TAPBP: variants seen among roughly 807,000 people sequenced by gnomAD.
TAPBP encodes the protein tapasin.
Under a neutral mutation model 45.7 loss-of-function variants are expected in TAPBP, and 38 were observed. The observed-to-expected ratio is 0.83, with a 90% CI of 0.64 to 1.09. The LOEUF is 1.09. Among genes scored for constraint, TAPBP ranks in the 50% least tolerant of loss-of-function variants. TAPBP has a pLI of 0.00. For missense variants in TAPBP, 513 were observed against 587.3 expected (o/e 0.87, Z 1.31); for synonymous variants, 226 against 254.8 (o/e 0.89, Z 1.08).
intron 3 of TAPBP, among the ~76,000 whole-genome samples, chr6:33,309,522 A>G (rs1416656813): frequency 6.6e-6 from 1 of 151,758 alleles, no homozygotes; most frequent in Non-Finnish European, 1.5e-5. Flanking sequence ...TGGGCAACAT[A>G]GCAAGACCCC....
chr6:33,304,010 G>A (rs778241930), intron 6 of TAPBP, 21 bp from the exon 7 acceptor site: 3 of 1,613,862 alleles, frequency 1.9e-6, no homozygotes, highest in Non-Finnish European at 1.7e-6. Flanking sequence ...AGATTGAGAA[G>A]GGATGGGATG....
chr6:33,313,943 G>A lies in TAPBP; in HGVS notation c.37+62C>T, dbSNP rs577777192. 1.4e-5 allele frequency: 22 copies of A among 1,613,306 alleles called. No homozygotes were observed. The African/African-American group carries it at 2.4e-4, about 18-fold the overall frequency. On this transcript the variant is annotated intron_variant, in intron 1 of 7. Transcript: ENST00000434618. This position sits in a 1 kb window ranked among gnomAD's most constrained non-coding sequence, Gnocchi z 7.2. ...CACTCCCACCCTGGCATCGGCTCCA[G>A]TGGGGCCACCTCCCTCCGCTTCCCT... is the stretch of plus-strand genomic sequence containing the variant.
chr6:33,307,362 A>ATATG (rs1213920814), intron 3 of TAPBP, among the ~76,000 whole-genome samples: 2 of 149,528 alleles, frequency 1.3e-5, no homozygotes, highest in African/African-American at 2.5e-5. Context: ...GGCTGAAGCT[A>ATATG]TATGGCCTGG....
Position 33,304,327 on chromosome 6 carries a change from G to A in TAPBP, c.1180C>T (p.Arg394Cys), listed in dbSNP as rs545499119. 10 of 1,607,054 alleles carry A rather than the reference G, an allele frequency of 6.2e-6. No individual in the cohort carries two copies. The highest frequency in any genetic ancestry group is 4.4e-5 in the South Asian group (4 of 90,338). The change falls in exon 5 of 8, where the codon CGC becomes TGC. Residue 394 changes from arginine (R) to cysteine (C), a missense_variant. Arg to Cys is a radical substitution (Grantham distance 180). Transcript: ENST00000434618. ...ACCTCCAGGGTGACCTCAGCGCTGC[G>A]CCCCGAGGCAGGCAGGCTGGGATGG... Reference protein sequence around the residue: ...IHHPSLPASGRSAEVTLEVAG... With the variant: ...IHHPSLPASGCSAEVTLEVAG...
At chr6:33,308,495 C>T (rs1013320613) in intron 3 of TAPBP, among the ~76,000 whole-genome samples, 1 of 152,174 alleles carries the variant, frequency 6.6e-6, no homozygotes, top group Admixed American at 6.5e-5. Context: ...TTCTCCTGCA[C>T]CCTACAAACC....
At chr6:33,304,738 G>A (rs1220031967) in intron 4 of TAPBP, 100 bp from the exon 5 acceptor site, 1 of 1,391,824 alleles carries the variant, frequency 7.2e-7, no homozygotes, top group Non-Finnish European at 9.6e-7. Flanking sequence ...ACTAAAGAAG[G>A]TTAGGTTTCT....
In TAPBP at chr6:33,305,049, G is replaced by A; in HGVS notation, c.808C>T (p.Leu270=). The A allele has an allele frequency of 6.2e-7, 1 of 1,614,210 alleles. No individual in the cohort carries two copies. Among genetic ancestry groups the A allele is most frequent in the Non-Finnish European group, 8.5e-7 (1 of 1,180,044 alleles). ...TVQPFQEGTY[L]ATIHLPYLQG... The stretch of plus-strand genomic sequence containing the variant: ...AGGTATGGCAGGTGTATGGTGGCCA[G>A]ATAGGTGCCCTCCTGAAAGGGTTGA... Residue 270 remains leucine (L), a synonymous_variant, in exon 4 of 8, where the codon CTG becomes TTG. Transcript: ENST00000434618. The surrounding 1 kb of genome is among the most constrained non-coding windows in gnomAD (Gnocchi z 4.4).
intron 7 of TAPBP, chr6:33,303,654 TA>T (rs1768733485): frequency 7.7e-7 from 1 of 1,294,852 alleles, no homozygotes; most frequent in Non-Finnish European, 1.0e-6. Flanking sequence ...TGTTTCTGCT[TA>T]TTTTTTTAAT....
In TAPBP at chr6:33,304,371, C is replaced by T. The variant is rs373391079; in HGVS notation, c.1136G>A (p.Arg379His). The T allele has an allele frequency of 8.7e-6, 14 of 1,612,474 alleles. No individual in the cohort carries two copies. The East Asian group carries it at 1.1e-4, about 13-fold the overall frequency. Residue 379 changes from arginine to histidine, a missense_variant, in exon 5 of 8, where the codon CGC becomes CAC. Physicochemically the swap from Arg to His is conservative, Grantham distance 29. Transcript: ENST00000434618. The stretch of plus-strand genomic sequence containing the variant: ...GGGATGGTGAATTCGACAGGCATAG[C>T]GTGCCCCATGCTGCTCAGTGGTGAC... ...PPVTTEQHGARYACRIHHPSL... is the reference protein window; with the variant it reads ...PPVTTEQHGAHYACRIHHPSL...
In TAPBP at chr6:33,301,590, GA is replaced by G; in HGVS notation, c.*169del. Reference sequence around the variant, plus strand: ...CTCCGTCTCAAAAAAAAAAAAAAAAGAAAAATTATCCCTTATATAAGTGAAA... The same window carrying G: ...CTCCGTCTCAAAAAAAAAAAAAAAAGAAAATTATCCCTTATATAAGTGAAA... On this transcript the variant is annotated 3_prime_UTR_variant, in exon 8 of 8. Transcript: ENST00000434618. 1 of 558,060 alleles carries G rather than the reference GA, an allele frequency of 1.8e-6. No individual in the cohort carries two copies. Among genetic ancestry groups the G allele is most frequent in the Middle Eastern group, 4.5e-4 (1 of 2,218 alleles). 34.6% of individuals were successfully genotyped at this position (558,060 alleles called of 1,614,324 possible). A position where few individuals can be genotyped will look rare whatever the true frequency, so the allele number is the denominator to read the frequency against.
At chr6:33,304,893 C>G (rs918589899) in intron 4 of TAPBP, 96 bp downstream of exon 4, 1 of 1,530,448 alleles carries the variant, frequency 6.5e-7, no homozygotes, top group East Asian at 2.3e-5. Flanking sequence ...ACTTACTTGC[C>G]CAGGCACCCT....
intron 7 of TAPBP, chr6:33,303,739 C>G: frequency 1.3e-6 from 2 of 1,548,868 alleles, no homozygotes; most frequent in Non-Finnish European, 1.7e-6. Context: ...GCCTAAGTAA[C>G]TTTTTAAAAT....
chr6:33,304,987 A>G lies in TAPBP; in HGVS notation c.868+2T>C. 6.2e-7 allele frequency: 1 copy of G among 1,613,242 alleles called. No individual in the cohort carries two copies. Among genetic ancestry groups the G allele is most frequent in the Non-Finnish European group, 8.5e-7 (1 of 1,179,664 alleles). ...CCTGGAGACCTCTGTCCCCCAACTC[A>G]CTGTACACAGCAAGCTCCAGGGTGA... On this transcript the variant is annotated splice_donor_variant, in intron 4 of 7. Coordinates refer to ENST00000434618, the MANE Select transcript of TAPBP (RefSeq NM_003190.5). LOFTEE classifies it high-confidence loss of function.
At chr6:33,308,827 C>T (rs1425436017) in intron 3 of TAPBP, among the ~76,000 whole-genome samples, 1 of 151,940 alleles carries the variant, frequency 6.6e-6, no homozygotes, top group Admixed American at 6.6e-5. Flanking sequence ...CTCAGGGAAG[C>T]CAAAAGATTG....
Position 33,300,719 on chromosome 6 carries a change from A to C in TAPBP, c.*1041T>G, listed in dbSNP as rs1768502989. ...GGTGGCTCACGCGGGTAATCCCAAT[A>C]CTTTGGGAGGCCGAGGCGGGCGGAT... is the stretch of plus-strand genomic sequence containing the variant. On this transcript the variant is annotated 3_prime_UTR_variant, in exon 8 of 8. Transcript: ENST00000434618. 6.7e-6 allele frequency: 1 copy of C among 150,068 alleles called. No individual in the cohort carries two copies. Among genetic ancestry groups the C allele is most frequent in the Non-Finnish European group, 1.5e-5 (1 of 67,654 alleles). 9.3% of individuals were successfully genotyped at this position (150,068 alleles called of 1,614,324 possible).
At position 33,305,007 on chromosome 6, in the gene TAPBP, G is replaced by C. The variant is rs1768869603; in HGVS notation, c.850C>G (p.Leu284Val). The change falls in exon 4 of 8, where the codon CTG (leucine) becomes GTG (valine). Residue 284 changes from leucine to valine, a missense_variant. Transcript: ENST00000434618. The surrounding 1 kb of genome is among the most constrained non-coding windows in gnomAD (Gnocchi z 4.4). ...AACTCACTGTACACAGCAAGCTCCA[G>C]GGTGACCTGTCCTTGCAGGTATGGC... is the stretch of plus-strand genomic sequence containing the variant. ...HLPYLQGQVT[L>V]ELAVYKPPKV... is the part of the protein sequence containing the mutation. 25 of 1,614,088 alleles carry C rather than the reference G, an allele frequency of 1.5e-5. No homozygotes were observed. Among genetic ancestry groups the C allele is most frequent in the Non-Finnish European group, 2.1e-5 (25 of 1,179,972 alleles).
rs1360892036 is a variant in TAPBP at position 33,313,007 on chromosome 6, G to C, written c.469+210C>G. ...TCCCCCTACCCCCTGCCAAGCTGCA[G>C]TTTTTTTTTTGTTTTTTTTTTTTAA... On this transcript the variant is annotated intron_variant, in intron 3 of 7. Transcript: ENST00000434618. The surrounding 1 kb of genome is among the most constrained non-coding windows in gnomAD (Gnocchi z 7.2). 1 of 427,130 alleles carries C rather than the reference G, an allele frequency of 2.3e-6. No individual in the cohort carries two copies. The allele number at this position is 427,130 out of a possible 1,614,324, so 26.5% of individuals were successfully genotyped here.
At chr6:33,311,591 T>C (rs897489446) in intron 3 of TAPBP, among the ~76,000 whole-genome samples, 1 of 152,116 alleles carries the variant, frequency 6.6e-6, no homozygotes, top group African/African-American at 2.4e-5. Context: ...ATCACGCCAT[T>C]GCACTCCAGC....
rs2150962881 is a variant in TAPBP at position 33,305,751 on chromosome 6, T to A, written c.470-364A>T. Among the ~76,000 whole-genome samples, 2 of 152,062 alleles carry A rather than the reference T, an allele frequency of 1.3e-5. No individual in the cohort carries two copies. Among genetic ancestry groups the A allele is most frequent in the Admixed American group, 1.3e-4 (2 of 15,260 alleles). ...CCACTCTATCTCCAAGCACCACCCT[T>A]GAGGAACCAGGCCTTTCTTGATTAC... is the stretch of plus-strand genomic sequence containing the variant. On this transcript the variant is annotated intron_variant, in intron 3 of 7. Transcript: ENST00000434618. This position sits in a 1 kb window ranked among gnomAD's most constrained non-coding sequence, Gnocchi z 4.4.
Sources: allele counts gnomAD v4.1 joint callset (sites outside exome capture counted in the v4.1 genomes callset), GRCh38; gene constraint gnomAD v4.1.1; non-coding constraint Gnocchi (gnomAD v3.1); transcripts MANE v1.5; gene names NCBI Gene and HGNC (gene_info 2026-07-23, HGNC 2026-07-21).